RNF2: variants seen among roughly 807,000 people sequenced by gnomAD.
The protein encoded by RNF2 is E3 ubiquitin-protein ligase RING2.
Under a neutral mutation model 37.2 loss-of-function variants are expected in RNF2, and 6 were observed. The observed-to-expected ratio is 0.16, with a 90% CI of 0.09 to 0.32. The LOEUF is 0.32. RNF2 is among the 10% of genes least tolerant of loss of function. RNF2 has a pLI of 1.00. For synonymous variants in RNF2, 133 were observed against 132.7 expected (o/e 1.00, Z -0.02); for missense variants, 251 against 404.0 (o/e 0.62, Z 3.25).
chr1:185,060,136 C>T (rs1348096226), intron 1 of RNF2, among the ~76,000 whole-genome samples: 5 of 152,226 alleles, frequency 3.3e-5, no homozygotes, highest in Non-Finnish European at 5.9e-5. Context: ...CTGACTTATG[C>T]TGTGGCATAT....
At chr1:185,090,592 A>G (rs748355743) in intron 2 of RNF2, among the ~76,000 whole-genome samples, 1 of 152,218 alleles carries the variant, frequency 6.6e-6, no homozygotes, top group African/African-American at 2.4e-5. Context: ...GGAGTAATCC[A>G]TCTTTGACCA....
intron 1 of RNF2, among the ~76,000 whole-genome samples, chr1:185,060,285 T>C (rs1480051911): frequency 6.6e-6 from 1 of 152,212 alleles, no homozygotes; most frequent in African/African-American, 2.4e-5. Flanking sequence ...ATAACTGATC[T>C]GTATCATTAA....
At chr1:185,071,413 A>G (rs1036126183) in intron 1 of RNF2, among the ~76,000 whole-genome samples, 3 of 152,190 alleles carry the variant, frequency 2.0e-5, no homozygotes, top group African/African-American at 7.2e-5. Flanking sequence ...AATGTGGCTT[A>G]TGGATGAGGC....
At position 185,098,318 on chromosome 1, in the gene RNF2, G is replaced by T; in HGVS notation, c.711G>T (p.Met237Ile). 6.2e-7 allele frequency: 1 copy of T among 1,614,064 alleles called. No individual in the cohort carries two copies. The highest frequency in any genetic ancestry group is 1.1e-5 in the South Asian group (1 of 91,078). The change falls in exon 5 of 7, where the codon ATG becomes ATT. Residue 237 changes from methionine to isoleucine, a missense_variant. By Grantham distance (10) the Met-to-Ile change is conservative. Transcript: ENST00000367510. ...TATTCAGGCCTCATCCCACACTTAT[G>T]GAAAAAGATGACAGTGCACAGACGA... is the stretch of plus-strand genomic sequence containing the variant. ...ELVFRPHPTL[M>I]EKDDSAQTRY...
intron 1 of RNF2, among the ~76,000 whole-genome samples, chr1:185,068,826 T>G (rs1415412525): frequency 6.6e-6 from 1 of 152,210 alleles, no homozygotes; most frequent in African/African-American, 2.4e-5. Context: ...CTCTTTCTCC[T>G]TTTGGGGAGT....
At position 185,087,622 on chromosome 1, in the gene RNF2, G is replaced by A; in HGVS notation, c.69G>A (p.Glu23=). 1 of 1,613,944 alleles carries A rather than the reference G, an allele frequency of 6.2e-7. No individual in the cohort carries two copies. Among genetic ancestry groups the A allele is most frequent in the Non-Finnish European group, 8.5e-7 (1 of 1,179,832 alleles). The change falls in exon 2 of 7, where the codon GAG becomes GAA. Residue 23 remains glutamate (E), a synonymous_variant. Coordinates refer to ENST00000367510, the MANE Select transcript of RNF2 (RefSeq NM_007212.4). ...AAACATGGGAACTCAGTTTATATGA[G>A]TTACAACGAACACCTCAGGTAATGA... The part of the protein sequence containing the change: ...LSKTWELSLY[E]LQRTPQEAIT...
intron 1 of RNF2, among the ~76,000 whole-genome samples, chr1:185,070,002 C>T (rs2102170982): frequency 6.6e-6 from 1 of 152,278 alleles, no homozygotes. Context: ...GTATTTTCTT[C>T]TCTAAAATAA....
At chr1:185,046,646 G>A (rs187882371) in intron 1 of RNF2, among the ~76,000 whole-genome samples, 2 of 152,202 alleles carry the variant, frequency 1.3e-5, no homozygotes, top group East Asian at 3.9e-4. Flanking sequence ...AAGATGTCAG[G>A]TTTCTTTGAA....
intron 1 of RNF2, among the ~76,000 whole-genome samples, chr1:185,063,572 A>G (rs1650675613): frequency 6.6e-6 from 1 of 152,182 alleles, no homozygotes; most frequent in Admixed American, 6.5e-5. Flanking sequence ...CTGGTGTATA[A>G]GTTTCATATA....
intron 1 of RNF2, among the ~76,000 whole-genome samples, chr1:185,077,250 A>T (rs570329472): frequency 6.6e-6 from 1 of 151,996 alleles, no homozygotes; most frequent in Admixed American, 6.5e-5. Flanking sequence ...TTGCACTGAT[A>T]CTTTGATCAC....
chr1:185,058,516 G>T (rs1409690621), intron 1 of RNF2, among the ~76,000 whole-genome samples: 1 of 152,234 alleles, frequency 6.6e-6, no homozygotes, highest in East Asian at 1.9e-4. Context: ...AGTGGAAGTA[G>T]AGGGAAAACT....
At chr1:185,046,461 C>T (rs933124619) in intron 1 of RNF2, among the ~76,000 whole-genome samples, 2 of 152,152 alleles carry the variant, frequency 1.3e-5, no homozygotes, top group Non-Finnish European at 2.9e-5. Context: ...CAGAAGTCTC[C>T]TTCTTGCTTT....
chr1:185,097,922 A>G (rs1450031855), intron 4 of RNF2, 150 bp from the exon 5 acceptor site: 6 of 766,216 alleles, frequency 7.8e-6, no homozygotes. Context: ...CCTTTCAGGA[A>G]CATGTGGGAA....
At chr1:185,053,857 G>A (rs1440733368) in intron 1 of RNF2, among the ~76,000 whole-genome samples, 1 of 151,984 alleles carries the variant, frequency 6.6e-6, no homozygotes, top group Non-Finnish European at 1.5e-5. Context: ...ATAATGTGCA[G>A]TGTTCTGCTT....
At chr1:185,099,424 T>A (rs934454687) in intron 5 of RNF2, among the ~76,000 whole-genome samples, 1 of 152,200 alleles carries the variant, frequency 6.6e-6, no homozygotes, top group Non-Finnish European at 1.5e-5. Flanking sequence ...CTATTCTGTT[T>A]CTGTTGCTGC....
At chr1:185,098,793 C>T (rs967450129) in intron 5 of RNF2, among the ~76,000 whole-genome samples, 3 of 151,944 alleles carry the variant, frequency 2.0e-5, no homozygotes, top group African/African-American at 7.3e-5. Context: ...TGCTCTGTCG[C>T]CAGGCTGGAG....
At chr1:185,049,384 C>T (rs187052689) in intron 1 of RNF2, among the ~76,000 whole-genome samples, 1 of 152,250 alleles carries the variant, frequency 6.6e-6, no homozygotes, top group Admixed American at 6.5e-5. Flanking sequence ...AAAATTATTT[C>T]TCATTTTCTC....
chr1:185,054,001 C>G (rs115187030), intron 1 of RNF2, among the ~76,000 whole-genome samples: 4 of 152,158 alleles, frequency 2.6e-5, no homozygotes, highest in Admixed American at 2.0e-4. Flanking sequence ...ACATTCCCCC[C>G]CCACCCAGTG....
chr1:185,092,999 T>G, intron 3 of RNF2, 62 bp from the exon 4 acceptor site: 1 of 1,438,306 alleles, frequency 7.0e-7, no homozygotes, highest in East Asian at 2.3e-5. Flanking sequence ...AGCTGGGTAT[T>G]TTTGTCTTTA....
Sources: gnomAD v4.1 joint callset for allele counts (sites outside exome capture counted in the v4.1 genomes callset) on GRCh38, gnomAD v4.1.1 for gene constraint, MANE v1.5 for transcripts, NCBI Gene and HGNC (gene_info 2026-07-23, HGNC 2026-07-21) for gene names.